The following POLDIP3 variants were observed in gnomAD, a reference collection of about 807,000 sequenced individuals.
The protein encoded by POLDIP3 is polymerase delta-interacting protein 3.
A neutral mutation model predicts 45.1 loss-of-function variants in POLDIP3; 14 were observed. That is an observed-to-expected ratio of 0.31 (90% CI 0.20 to 0.49). The LOEUF (loss-of-function observed/expected upper bound fraction) is 0.49. Ranked by LOEUF, POLDIP3 falls within the 20% of genes least tolerant of loss-of-function variation. POLDIP3 has a pLI of 0.99. For synonymous variants in POLDIP3, 223 were observed against 205.2 expected (o/e 1.09, Z -0.74); for missense variants, 511 against 538.8 (o/e 0.95, Z 0.51).
chr22:42,591,020 G>A (rs999399504), intron 7 of POLDIP3, among the ~76,000 whole-genome samples: 6 of 151,492 alleles, frequency 4.0e-5, no homozygotes, highest in Admixed American at 3.3e-4. Flanking sequence ...GTTGCAGTGA[G>A]CTGAGATCAC....
intron 7 of POLDIP3, 123 bp downstream of exon 7, chr22:42,591,832 T>G (rs550657059): frequency 1.5e-6 from 2 of 1,306,898 alleles, no homozygotes; most frequent in South Asian, 2.7e-5. Flanking sequence ...CAGTTCCTGG[T>G]GCAGACGAGG....
At chr22:42,597,666 G>C (rs561512962) in intron 4 of POLDIP3, 26 of 467,854 alleles carry the variant, frequency 5.6e-5, no homozygotes, top group Non-Finnish European at 1.1e-4. Flanking sequence ...TAGGGATAGA[G>C]ACTCACTGAG....
In POLDIP3 at chr22:42,585,650, C is replaced by T; in HGVS notation, c.*141G>A. ...ACAACACAGAAAGGCGGGTCCCATC[C>T]AGTGAGGAAGCTCTTTATCCCTGGC... On this transcript the variant is annotated 3_prime_UTR_variant, in exon 9 of 9. Transcript: ENST00000252115. The T allele has an allele frequency of 1.1e-6, 1 of 948,644 alleles. No individual in the cohort carries two copies. The highest frequency in any genetic ancestry group is 1.6e-6 in the Non-Finnish European group (1 of 619,996). The allele number at this position is 948,644 out of a possible 1,614,324, so 58.8% of individuals were successfully genotyped here. A position where few individuals can be genotyped will look rare whatever the true frequency, so the allele number is the denominator to read the frequency against.
rs150617911 is a variant in POLDIP3, at chr22:42,586,026, G to A, written c.1089-58C>T. 5.8e-4 allele frequency: 861 copies of A among 1,484,474 alleles called. 7 individuals carry two copies. The East Asian group carries it at 0.018, about 31-fold the overall frequency. The allele number at this position is 1,484,474 out of a possible 1,614,324, so 92.0% of individuals were successfully genotyped here. On this transcript the variant is annotated intron_variant, in intron 8 of 8. Transcript: ENST00000252115. Reference sequence around the variant, plus strand: ...GTCAGTTTTTCCTTAGATGGGGAGGGGACCCACCATTTACTGGGCATCTGT... The same window carrying A: ...GTCAGTTTTTCCTTAGATGGGGAGGAGACCCACCATTTACTGGGCATCTGT...
In POLDIP3 at chr22:42,607,685, A is replaced by G. The variant is rs1254162455; in HGVS notation, c.60-4525T>C. On this transcript the variant is annotated intron_variant, in intron 1 of 8. Transcript: ENST00000252115. ...GAGGAGCGTCTCGGCCCGGCCGTCC[A>G]TCGTCTGAGATGTGGGGAGAGCCTC... Among the ~76,000 whole-genome samples, 3 of 136,300 alleles carry G rather than the reference A, an allele frequency of 2.2e-5. No homozygotes were observed. In the East Asian group the frequency reaches 6.8e-4, roughly 31 times the overall value. The allele number at this position is 136,300 out of a possible 152,430, so 89.4% of individuals were successfully genotyped here. A position where few individuals can be genotyped will look rare whatever the true frequency, so the allele number is the denominator to read the frequency against.
At chr22:42,611,385 C>T (rs577001549) in intron 1 of POLDIP3, among the ~76,000 whole-genome samples, 18 of 152,184 alleles carry the variant, frequency 1.2e-4, no homozygotes, top group Non-Finnish European at 2.2e-4. Context: ...CTTTTGAGAA[C>T]AAGCACATTC....
intron 1 of POLDIP3, among the ~76,000 whole-genome samples, chr22:42,610,910 A>G (rs571088725): frequency 6.6e-6 from 1 of 152,266 alleles, no homozygotes; most frequent in South Asian, 2.1e-4. Context: ...TGTCTCAAAT[A>G]AATAAAGGAA....
In POLDIP3 at chr22:42,602,840, G is replaced by A. The variant is rs199868215; in HGVS notation, c.380C>T (p.Ser127Phe). The change falls in exon 2 of 9, where the codon TCC becomes TTC. Residue 127 changes from serine to phenylalanine, a missense_variant. Around this residue, in one of 4 missense-constraint regions of POLDIP3, gnomAD observed 378 missense variants for 352.3 expected, o/e 1.07. Transcript: ENST00000252115. ...GGGTGGGTTTATGAAGGCAGCAGGGGAACTCCTCTTCAAGCTGATCTTCTC... is the reference window on the plus strand; with the variant it reads ...GGGTGGGTTTATGAAGGCAGCAGGGAAACTCCTCTTCAAGCTGATCTTCTC... ...AREKISLKRS[S>F]PAAFINPPIG... is the part of the protein sequence containing the mutation. 8 of 1,612,774 alleles carry A rather than the reference G, an allele frequency of 5.0e-6. No individual in the cohort carries two copies. In the African/African-American group the frequency reaches 9.3e-5, roughly 19 times the overall value.
rs1254570547 is a variant in POLDIP3, at chr22:42,602,765, C to G, written c.450+5G>C. 1 of 1,586,338 alleles carries G rather than the reference C, an allele frequency of 6.3e-7. No individual in the cohort carries two copies. Among genetic ancestry groups the G allele is most frequent in the Non-Finnish European group, 8.6e-7 (1 of 1,164,912 alleles). On this transcript the variant is annotated splice_donor_5th_base_variant and intron_variant, in intron 2 of 8. Coordinates refer to ENST00000252115, the MANE Select transcript of POLDIP3 (RefSeq NM_032311.5). ...TGGGAATTCATGACAAAAGCCACAA[C>G]TCACCTGGATGGTTTTGGTGAGCTT... is the stretch of plus-strand genomic sequence containing the variant.
At chr22:42,614,219 C>G (rs968558094) in intron 1 of POLDIP3, among the ~76,000 whole-genome samples, 1 of 152,322 alleles carries the variant, frequency 6.6e-6, no homozygotes, top group African/African-American at 2.4e-5. Context: ...ACATGAATAG[C>G]TAGCAGACAA....
chr22:42,605,600 G>A (rs1439828972), intron 1 of POLDIP3, among the ~76,000 whole-genome samples: 2 of 152,100 alleles, frequency 1.3e-5, no homozygotes, highest in African/African-American at 2.4e-5. Context: ...AATCAGATAA[G>A]GCTTAAGGTT....
chr22:42,597,803 C>T (rs1309819483), intron 4 of POLDIP3: 15 of 436,342 alleles, frequency 3.4e-5, no homozygotes, highest in South Asian at 8.2e-5. Context: ...TTTTTTGAGA[C>T]GGAGTCTCGC....
At chr22:42,603,313 T>C (rs527540261) in intron 1 of POLDIP3, among the ~76,000 whole-genome samples, 153 bp from the exon 2 acceptor site, 7 of 152,216 alleles carry the variant, frequency 4.6e-5, no homozygotes, top group African/African-American at 1.7e-4. Context: ...TATGCCTACA[T>C]GATGACTCCT....
At chr22:42,603,285 T>A in intron 1 of POLDIP3, 125 bp from the exon 2 acceptor site, 1 of 958,636 alleles carries the variant, frequency 1.0e-6, no homozygotes, top group Non-Finnish European at 1.5e-6. Flanking sequence ...GCTCCTTGCC[T>A]GTGATTGAAT....
At chr22:42,603,280 T>A in intron 1 of POLDIP3, 120 bp from the exon 2 acceptor site, 1 of 993,326 alleles carries the variant, frequency 1.0e-6, no homozygotes, top group Non-Finnish European at 1.5e-6. Flanking sequence ...AAGCGGCTCC[T>A]TGCCTGTGAT....
intron 1 of POLDIP3, among the ~76,000 whole-genome samples, chr22:42,608,339 AC>A (rs1926904554): frequency 6.7e-6 from 1 of 149,618 alleles, no homozygotes; most frequent in Non-Finnish European, 1.5e-5. Context: ...AGGAGGATCA[AC>A]TAAGCCCAGG....
In POLDIP3 at chr22:42,607,113, A is replaced by T. The variant is rs890169101; in HGVS notation, c.60-3953T>A. The stretch of plus-strand genomic sequence containing the variant: ...AACCCTGTCTCTACAAAAGATACAA[A>T]AAAAATTCCCTCCCCCTCCCCCTCT... On this transcript the variant is annotated intron_variant, in intron 1 of 8. Transcript: ENST00000252115. Among the ~76,000 whole-genome samples, 9 of 152,274 alleles carry T rather than the reference A, an allele frequency of 5.9e-5. No homozygotes were observed. The South Asian group carries it at 1.7e-3, about 28-fold the overall frequency.
chr22:42,598,953 G>A (rs1926173318), intron 4 of POLDIP3, among the ~76,000 whole-genome samples: 1 of 152,218 alleles, frequency 6.6e-6, no homozygotes, highest in African/African-American at 2.4e-5. Flanking sequence ...CCTGCATGCA[G>A]GCTGCACCTG....
intron 7 of POLDIP3, among the ~76,000 whole-genome samples, chr22:42,590,881 G>A (rs1188249222): frequency 3.9e-5 from 6 of 152,060 alleles, no homozygotes; most frequent in African/African-American, 2.4e-5. Flanking sequence ...AGACCAGCCC[G>A]GCCAACATGG....
Sources: gnomAD v4.1 joint callset for allele counts (sites outside exome capture counted in the v4.1 genomes callset) on GRCh38, gnomAD v4.1.1 for gene constraint, gnomAD v4.1.1 regional missense constraint, MANE v1.5 for transcripts, NCBI Gene and HGNC (gene_info 2026-07-23, HGNC 2026-07-21) for gene names.